The following LAMB3 variants were observed in gnomAD, a reference collection of about 807,000 sequenced individuals.
LAMB3 encodes the protein laminin subunit beta 3.
Under a neutral mutation model 140.3 loss-of-function variants are expected in LAMB3, and 104 were observed. The observed-to-expected ratio is 0.74, with a 90% confidence interval of 0.63 to 0.87. The LOEUF (loss-of-function observed/expected upper bound fraction) is 0.87, where lower values mean the gene tolerates loss of function less well. Among genes scored for constraint, LAMB3 ranks in the 40% least tolerant of loss-of-function variants. LAMB3 has a pLI of 0.00. For synonymous variants in LAMB3, 592 were observed against 602.9 expected (o/e 0.98, Z 0.26); for missense variants, 1,531 against 1,575.2 (o/e 0.97, Z 0.47).
chr1:209,636,788 C>T (rs1301853183), intron 5 of LAMB3, among the ~76,000 whole-genome samples: 2 of 152,226 alleles, frequency 1.3e-5, no homozygotes, highest in East Asian at 1.9e-4. Context: ...TGGGTGCACT[C>T]CCTGACAAGC....
intron 3 of LAMB3, among the ~76,000 whole-genome samples, chr1:209,643,118 G>A (rs2076485572): frequency 6.6e-6 from 1 of 152,246 alleles, no homozygotes; most frequent in East Asian, 1.9e-4. Context: ...GAGCTAGCAG[G>A]ACAGAAGCCT....
chr1:209,638,779 T>C, intron 3 of LAMB3, 131 bp from the exon 4 acceptor site: 4 of 697,774 alleles, frequency 5.7e-6, no homozygotes, highest in Middle Eastern at 3.7e-4. Context: ...ATTAATACAA[T>C]TTGAAGGGTT....
In LAMB3 at chr1:209,637,981, T is replaced by C. The variant is rs2102445054; in HGVS notation, c.299A>G (p.Asp100Gly). 6.2e-7 allele frequency: 1 copy of C among 1,612,182 alleles called. No individual in the cohort carries two copies. Among genetic ancestry groups the C allele is most frequent in the Non-Finnish European group, 8.5e-7 (1 of 1,179,078 alleles). Residue 100 changes from aspartate to glycine, a missense_variant and splice_region_variant, in exon 5 of 23, where the codon GAT becomes GGT. Transcript: ENST00000356082. ...GPMRWWQSQNDVNPVSLQLDL... is the reference protein window; with the variant it reads ...GPMRWWQSQNGVNPVSLQLDL... ...CAGCTGCAGAGAGACAGGGTTCACATCTGGAAGGACAAAAAATAGAAACTG... is the reference window on the plus strand; with the variant it reads ...CAGCTGCAGAGAGACAGGGTTCACACCTGGAAGGACAAAAAATAGAAACTG...
chr1:209,628,208 C>T lies in LAMB3; in HGVS notation c.1133-18G>A. On this transcript the variant is annotated intron_variant, in intron 10 of 22. Transcript: ENST00000356082. ...CTCGCAGGCTGAGAGACAACAGCAG[C>T]CACCGCAGTAGGAACAAAGAAAAGT... 6.4e-7 allele frequency: 1 copy of T among 1,552,674 alleles called. No individual in the cohort carries two copies. The highest frequency in any genetic ancestry group is 1.4e-5 in the African/African-American group (1 of 73,260).
At chr1:209,633,038 G>C in intron 7 of LAMB3, 32 bp downstream of exon 7, 2 of 1,511,510 alleles carry the variant, frequency 1.3e-6, no homozygotes, top group African/African-American at 1.4e-5. Flanking sequence ...CCCACCCATA[G>C]TTCCATGGAC....
intron 2 of LAMB3, 78 bp downstream of exon 2, chr1:209,650,839 G>A: frequency 1.4e-6 from 2 of 1,394,670 alleles, no homozygotes; most frequent in South Asian, 1.2e-5. Context: ...CCCACACTTT[G>A]GTAAACTCTC....
intron 7 of LAMB3, 79 bp from the exon 8 acceptor site, chr1:209,632,855 CCTT>C: frequency 1.4e-6 from 2 of 1,390,018 alleles, no homozygotes; most frequent in African/African-American, 1.4e-5. Flanking sequence ...CATAGAGTCT[CCTT>C]CATATGTGAT....
At chr1:209,624,836 C>T (rs563990621) in intron 14 of LAMB3, among the ~76,000 whole-genome samples, 1 of 145,712 alleles carries the variant, frequency 6.9e-6, no homozygotes, top group Admixed American at 7.1e-5. Flanking sequence ...ATGCTTGTTT[C>T]ATCATAGATG....
At chr1:209,622,887 G>A in intron 17 of LAMB3, 95 bp downstream of exon 17, 1 of 1,461,942 alleles carries the variant, frequency 6.8e-7, no homozygotes, top group Non-Finnish European at 9.6e-7. Context: ...TAAAATCTCT[G>A]GACTTTAGTG....
intron 18 of LAMB3, chr1:209,618,905 C>T (rs1056901503): frequency 4.1e-5 from 23 of 564,984 alleles, no homozygotes; most frequent in African/African-American, 3.6e-4. Flanking sequence ...GGTGTCGTCA[C>T]AGCTGTGCCA....
intron 17 of LAMB3, 140 bp from the exon 18 acceptor site, chr1:209,622,820 C>A: frequency 5.9e-6 from 8 of 1,359,442 alleles, no homozygotes; most frequent in African/African-American, 1.4e-5. Context: ...TGTGGATGTT[C>A]AGTAAAAGAG....
At chr1:209,634,902 G>A (rs1666839687) in intron 5 of LAMB3, among the ~76,000 whole-genome samples, 2 of 148,102 alleles carry the variant, frequency 1.4e-5, no homozygotes, top group Admixed American at 1.4e-4. Context: ...ACTTCGCACA[G>A]TTGACCATTT....
In LAMB3 at chr1:209,625,671, C is replaced by T. The variant is rs1392492082; in HGVS notation, c.1953G>A (p.Val651=). Residue 651 remains valine, a synonymous_variant, in exon 14 of 23, where the codon GTG becomes GTA. Transcript: ENST00000356082. ...ACCTGAGGGAGAGGATGGCACTGGC[C>T]ACCTGAGCCACCTCCTGCTCTGTGA... The part of the protein sequence containing the change: ...PAVTEQEVAQ[V]ASAILSLRRT... 2 of 1,614,098 alleles carry T rather than the reference C, an allele frequency of 1.2e-6. No homozygotes were observed. Among genetic ancestry groups the T allele is most frequent in the Non-Finnish European group, 1.7e-6 (2 of 1,180,028 alleles).
intron 3 of LAMB3, among the ~76,000 whole-genome samples, chr1:209,643,045 A>G (rs2076484086): frequency 1.3e-5 from 2 of 152,230 alleles, no homozygotes; most frequent in Admixed American, 1.3e-4. Flanking sequence ...ATTTACCTCA[A>G]TCCTCAGAGA....
intron 8 of LAMB3, 116 bp from the exon 9 acceptor site, chr1:209,630,851 A>T: frequency 1.6e-6 from 2 of 1,214,566 alleles, no homozygotes; most frequent in Non-Finnish European, 2.4e-6. Context: ...TTAGATCCCA[A>T]CCCTTCCAGG....
intron 3 of LAMB3, among the ~76,000 whole-genome samples, chr1:209,640,273 G>T (rs187746020): frequency 2.4e-4 from 36 of 152,342 alleles, no homozygotes; most frequent in African/African-American, 8.4e-4. Context: ...CCATTGGTGG[G>T]GTGTGGTGGC....
chr1:209,645,387 C>A (rs963022388), intron 3 of LAMB3, among the ~76,000 whole-genome samples: 1 of 152,146 alleles, frequency 6.6e-6, no homozygotes, highest in Non-Finnish European at 1.5e-5. Context: ...GCTCTGGAAG[C>A]TTTAGACCTG....
In LAMB3 at chr1:209,623,228, A is replaced by G. The variant is rs1666275441; in HGVS notation, c.2359-49T>C. On this transcript the variant is annotated intron_variant, in intron 16 of 22. Coordinates refer to ENST00000356082, the MANE Select transcript of LAMB3 (RefSeq NM_000228.3). The surrounding 1 kb of genome is among the most constrained non-coding windows in gnomAD (Gnocchi z 4.2). Reference sequence around the variant, plus strand: ...AGAGGCTACCCAAAGCCCCTCAATAACCAATCCCACCCCACACCTGGGAAA... The same window carrying G: ...AGAGGCTACCCAAAGCCCCTCAATAGCCAATCCCACCCCACACCTGGGAAA... 6.3e-7 allele frequency: 1 copy of G among 1,580,050 alleles called. No homozygotes were observed. Among genetic ancestry groups the G allele is most frequent in the Non-Finnish European group, 8.7e-7 (1 of 1,151,920 alleles).
At chr1:209,651,739 G>A (rs2076567978) in intron 1 of LAMB3, among the ~76,000 whole-genome samples, 1 of 152,064 alleles carries the variant, frequency 6.6e-6, no homozygotes, top group African/African-American at 2.4e-5. Context: ...CCCAGAGGCA[G>A]GCCTGCCTTG....
Sources: gnomAD v4.1 joint callset for allele counts (sites outside exome capture counted in the v4.1 genomes callset) on GRCh38, gnomAD v4.1.1 for gene constraint, Gnocchi (gnomAD v3.1) non-coding constraint, MANE v1.5 for transcripts, NCBI Gene and HGNC (gene_info 2026-07-23, HGNC 2026-07-21) for gene names.